Variants in HLCS observed in about 807,000 individuals in gnomAD.
The protein encoded by HLCS is holocarboxylase synthetase.
HLCS carries 53 observed loss-of-function variants against 75.0 expected under a neutral mutation model. The ratio of observed to expected loss-of-function variants is 0.71; its 90% CI spans 0.57 to 0.89. The LOEUF is 0.89. Among genes scored for constraint, HLCS ranks in the 40% least tolerant of loss-of-function variants. The probability of loss-of-function intolerance (pLI) is 0.00; values close to 1 mark genes in which losing one functional copy is unlikely to be tolerated. For synonymous variants in HLCS, 431 were observed against 428.6 expected (o/e 1.01, Z -0.07); for missense variants, 966 against 1,074.0 (o/e 0.90, Z 1.41).
intron 10 of HLCS, 114 bp downstream of exon 10, chr21:36,756,428 G>A (rs2089589555): frequency 1.4e-6 from 1 of 709,098 alleles, no homozygotes; most frequent in Non-Finnish European, 2.2e-6. Flanking sequence ...TCCAGCCTGG[G>A]CGACAGAGTG....
chr21:36,816,830 T>A (rs2061678704), intron 6 of HLCS, among the ~76,000 whole-genome samples: 1 of 152,184 alleles, frequency 6.6e-6, no homozygotes, highest in Admixed American at 6.5e-5. Flanking sequence ...TTGCCTTACA[T>A]CCACAGGTGT....
intron 6 of HLCS, among the ~76,000 whole-genome samples, chr21:36,851,663 A>C (rs953965537): frequency 6.6e-6 from 1 of 152,240 alleles, no homozygotes; most frequent in Non-Finnish European, 1.5e-5. Flanking sequence ...TTTTTAAATA[A>C]CTAAAAGAAT....
chr21:36,860,480 G>A (rs1412057731), intron 6 of HLCS, among the ~76,000 whole-genome samples: 3 of 152,154 alleles, frequency 2.0e-5, no homozygotes, highest in African/African-American at 7.2e-5. Context: ...TGTTAATAAG[G>A]TCCCAAGTTC....
intron 5 of HLCS, among the ~76,000 whole-genome samples, chr21:36,914,425 A>G (rs531814880): frequency 2.6e-5 from 4 of 152,304 alleles, no homozygotes; most frequent in South Asian, 2.1e-4. Flanking sequence ...TAGATCCCCA[A>G]TGCCTGGGAC....
Position 36,938,932 on chromosome 21 carries a change from TA to T in HLCS, c.392del (p.Leu131GlnfsTer43). 6.2e-7 allele frequency: 1 copy of T among 1,613,734 alleles called. No homozygotes were observed. The highest frequency in any genetic ancestry group is 1.3e-5 in the African/African-American group (1 of 75,038). ...LACRPGDPYR[L>X]IAEASVDNFS... is the part of the protein sequence containing the mutation. ...AGTTGTCCACACTTGCTTCAGCAAT[TA>T]GCCGATAAGGATCCCCAGGTCTGCA... On this transcript the variant is annotated frameshift_variant, in exon 3 of 11. Coordinates refer to ENST00000674895, the MANE Select transcript of HLCS (RefSeq NM_001352514.2). LOFTEE classifies it high-confidence loss of function.
At chr21:36,862,852 G>A (rs2063426136) in intron 6 of HLCS, among the ~76,000 whole-genome samples, 1 of 151,972 alleles carries the variant, frequency 6.6e-6, no homozygotes, top group Non-Finnish European at 1.5e-5. Context: ...AGCAATGGCA[G>A]AAGTGAGCCC....
At chr21:36,801,499 T>C (rs1379455090) in intron 6 of HLCS, among the ~76,000 whole-genome samples, 3 of 152,330 alleles carry the variant, frequency 2.0e-5, no homozygotes, top group African/African-American at 4.8e-5. Context: ...AACAAATACA[T>C]AGATCAAGGC....
intron 6 of HLCS, among the ~76,000 whole-genome samples, chr21:36,787,009 A>G (rs751271685): frequency 3.3e-5 from 5 of 152,208 alleles, no homozygotes; most frequent in East Asian, 3.8e-4. Flanking sequence ...GCGACCATGT[A>G]GGGAGAATGA....
chr21:36,772,781 G>A (rs1327135667), intron 6 of HLCS, among the ~76,000 whole-genome samples: 3 of 151,990 alleles, frequency 2.0e-5, no homozygotes, highest in South Asian at 2.1e-4. Context: ...TCAAGAGATC[G>A]AGACCATCCT....
intron 1 of HLCS, among the ~76,000 whole-genome samples, chr21:36,984,035 T>C (rs1465415146): frequency 6.6e-6 from 1 of 151,764 alleles, no homozygotes; most frequent in African/African-American, 2.4e-5. Flanking sequence ...GATGGGTTCT[T>C]GCTATGTTGC....
intron 6 of HLCS, among the ~76,000 whole-genome samples, chr21:36,812,568 T>G (rs1398553727): frequency 4.6e-5 from 7 of 152,226 alleles, no homozygotes; most frequent in Admixed American, 4.6e-4. Flanking sequence ...TTATTTTGAC[T>G]TAGTTTGTTT....
intron 6 of HLCS, among the ~76,000 whole-genome samples, chr21:36,849,445 T>C (rs1195716320): frequency 6.6e-6 from 1 of 152,186 alleles, no homozygotes; most frequent in East Asian, 1.9e-4. Flanking sequence ...TCTGGCAGCT[T>C]TTTGCTGGGA....
At chr21:36,821,473 G>T (rs1003832262) in intron 6 of HLCS, among the ~76,000 whole-genome samples, 1 of 152,154 alleles carries the variant, frequency 6.6e-6, no homozygotes, top group Non-Finnish European at 1.5e-5. Context: ...CAGCTAACAC[G>T]GCCACCGTGT....
chr21:36,893,770 C>T lies in HLCS; in HGVS notation c.1892+3090G>A, dbSNP rs147408593. 1.1e-3 allele frequency among the ~76,000 whole-genome samples: 165 copies of T among 152,336 alleles called. 1 individual carries two copies. The East Asian group carries it at 0.017, about 16-fold the overall frequency. ...CACTTGCACCACTCACCTACTGCTGCGCCGCCCCGTTCCTAACAGGCTGCA... is the reference window on the plus strand; with the variant it reads ...CACTTGCACCACTCACCTACTGCTGTGCCGCCCCGTTCCTAACAGGCTGCA... On this transcript the variant is annotated intron_variant, in intron 6 of 10. Transcript: ENST00000674895.
chr21:36,919,774 A>G (rs1279984878), intron 5 of HLCS, among the ~76,000 whole-genome samples: 1 of 152,250 alleles, frequency 6.6e-6, no homozygotes, highest in African/African-American at 2.4e-5. Flanking sequence ...ATAGCAAAAC[A>G]TTATTTCATT....
At chr21:36,757,266 TC>T (rs2089640356) in intron 9 of HLCS, among the ~76,000 whole-genome samples, 1 of 152,192 alleles carries the variant, frequency 6.6e-6, no homozygotes, top group Non-Finnish European at 1.5e-5. Flanking sequence ...TAGAAATGCA[TC>T]TTTTAATACT....
chr21:36,797,196 C>T (rs575565683), intron 6 of HLCS, among the ~76,000 whole-genome samples: 82 of 152,262 alleles, frequency 5.4e-4, no homozygotes, highest in Admixed American at 1.2e-3. Flanking sequence ...ACTGCCCTGA[C>T]ATAACTCATG....
At chr21:36,859,197 AT>A (rs1190537763) in intron 6 of HLCS, among the ~76,000 whole-genome samples, 2 of 151,872 alleles carry the variant, frequency 1.3e-5, no homozygotes, top group Admixed American at 6.6e-5. Context: ...TAATTGTTGT[AT>A]TTTTAGTAGA....
At chr21:36,903,065 G>C (rs1000027422) in intron 5 of HLCS, among the ~76,000 whole-genome samples, 2 of 152,138 alleles carry the variant, frequency 1.3e-5, no homozygotes, top group Admixed American at 1.3e-4. Context: ...CCCAGAGAAG[G>C]CATGCAAAAT....
Sources: allele counts gnomAD v4.1 joint callset (sites outside exome capture counted in the v4.1 genomes callset), GRCh38; gene constraint gnomAD v4.1.1; transcripts MANE v1.5; gene names NCBI Gene and HGNC (gene_info 2026-07-23, HGNC 2026-07-21).